SPTA1: variants seen among roughly 807,000 people sequenced by gnomAD.
The protein encoded by SPTA1 is spectrin alpha, erythrocytic 1, also known as spectrin alpha chain, erythrocytic 1.
A neutral mutation model predicts 324.7 loss-of-function variants in SPTA1; 177 were observed. The observed-to-expected ratio is 0.55, with a 90% CI of 0.48 to 0.62. The LOEUF is 0.62. SPTA1 is among the 20% of genes least tolerant of loss of function. SPTA1 has a pLI of 0.00. For missense variants in SPTA1, 3,162 were observed against 2,883.6 expected, an observed-to-expected ratio of 1.10 and a Z score of -2.21; for synonymous variants, 1,195 against 1,041.3, an observed-to-expected ratio of 1.15 and a Z score of -2.84.
At chr1:158,618,336 C>G (rs1010330090) in intron 45 of SPTA1, among the ~76,000 whole-genome samples, 1 of 152,038 alleles carries the variant, frequency 6.6e-6, no homozygotes, top group Non-Finnish European at 1.5e-5. Context: ...ATGAAGTCAC[C>G]AAGAAAAGAG....
intron 42 of SPTA1, among the ~76,000 whole-genome samples, chr1:158,624,837 C>A (rs1430204200): frequency 6.6e-6 from 1 of 152,186 alleles, no homozygotes; most frequent in African/African-American, 2.4e-5. Flanking sequence ...AGTAGTGACA[C>A]AATGCTGACT....
In SPTA1 at chr1:158,657,683, C is replaced by G. The variant is rs1261513076; in HGVS notation, c.2599G>C (p.Ala867Pro). ...NKMVEEGHFA[A>P]EDVASRVKSL... ...TTGACCCTAGAGGCCACATCTTCTG[C>G]AGCAAAGTGTCCTATGGAGTAATTA... The change falls in exon 19 of 52, where the codon GCA becomes CCA. Residue 867 changes from alanine (A) to proline (P), a missense_variant. Ala to Pro is a conservative substitution (Grantham distance 27). Transcript: ENST00000643759. The G allele has an allele frequency of 6.2e-7, 1 of 1,614,060 alleles. No individual in the cohort carries two copies. The highest frequency in any genetic ancestry group is 1.1e-5 in the South Asian group (1 of 91,080).
chr1:158,646,008 A>G (rs1651974291), intron 27 of SPTA1, among the ~76,000 whole-genome samples: 1 of 152,164 alleles, frequency 6.6e-6, no homozygotes, highest in African/African-American at 2.4e-5. Context: ...GTTCCTTTTA[A>G]GTGGTTTCTA....
chr1:158,642,323 A>T (rs1651659872), intron 33 of SPTA1, 88 bp downstream of exon 33: 1 of 1,384,946 alleles, frequency 7.2e-7, no homozygotes, highest in African/African-American at 1.5e-5. Flanking sequence ...AATAAAATTA[A>T]AAAAAATACA....
At chr1:158,680,915 G>A (rs1016790553) in intron 4 of SPTA1, among the ~76,000 whole-genome samples, 186 bp from the exon 5 acceptor site, 2 of 152,142 alleles carry the variant, frequency 1.3e-5, no homozygotes, top group Admixed American at 6.6e-5. Flanking sequence ...CTTGGCACAA[G>A]GGAAAGTGCT....
chr1:158,633,663 A>G (rs1249975445), intron 39 of SPTA1, among the ~76,000 whole-genome samples: 2 of 128,638 alleles, frequency 1.6e-5, no homozygotes, highest in African/African-American at 7.7e-5. Flanking sequence ...TCTGTCTCGA[A>G]AAAAAAAAAA....
intron 3 of SPTA1, 76 bp downstream of exon 3, chr1:158,683,295 A>G (rs1031921549): frequency 1.0e-5 from 16 of 1,604,376 alleles, no homozygotes; most frequent in Non-Finnish European, 1.3e-5. Flanking sequence ...CTCAAGGTTT[A>G]TATCTCATAT....
intron 45 of SPTA1, among the ~76,000 whole-genome samples, chr1:158,618,758 AT>A (rs2101756830): frequency 6.6e-6 from 1 of 152,306 alleles, no homozygotes; most frequent in African/African-American, 2.4e-5. Context: ...ATGCCAGTAA[AT>A]ATATATGTGA....
Position 158,619,239 on chromosome 1 carries a change from T to C in SPTA1, c.6513A>G (p.Gln2171=), listed in dbSNP as rs754084343. Residue 2171 remains glutamine, a synonymous_variant, in exon 45 of 52, where the codon CAA becomes CAG. Coordinates refer to ENST00000643759, the MANE Select transcript of SPTA1 (RefSeq NM_003126.4). ...EFEQNASTFL[Q]WILETRAYFL... is the part of the protein sequence containing the mutation. ...TAGCACACCTGGTTTCCAGGATCCA[T>C]TGAAGGAAGGTACTGGCATTCTGTT... is the stretch of plus-strand genomic sequence containing the variant. 1.6e-5 allele frequency: 26 copies of C among 1,613,936 alleles called. No individual in the cohort carries two copies. The highest frequency in any genetic ancestry group is 1.0e-4 in the Admixed American group (6 of 60,000).
intron 36 of SPTA1, 46 bp downstream of exon 36, chr1:158,637,987 C>A: frequency 6.3e-7 from 1 of 1,595,396 alleles, no homozygotes; most frequent in Non-Finnish European, 8.6e-7. Context: ...GGTGGATTAT[C>A]TACTCGCTTG....
In SPTA1 at chr1:158,620,298, C is replaced by T. The variant is rs1204428266; in HGVS notation, c.6289G>A (p.Ala2097Thr). 1 of 1,614,112 alleles carries T rather than the reference C, an allele frequency of 6.2e-7. No homozygotes were observed. The highest frequency in any genetic ancestry group is 1.7e-5 in the Admixed American group (1 of 60,022). Residue 2097 changes from alanine to threonine, a missense_variant, in exon 44 of 52, where the codon GCA becomes ACA. Transcript: ENST00000643759. ...DFLASLARAQ[A>T]DFKCLLELDQ... The stretch of plus-strand genomic sequence containing the variant: ...AGCTCCAGCAAACATTTAAAGTCTG[C>T]TTGAGCCCTAGCCAGGGAGGCCAAG...
chr1:158,670,770 A>G (rs896088733), intron 12 of SPTA1, among the ~76,000 whole-genome samples: 5 of 152,220 alleles, frequency 3.3e-5, no homozygotes, highest in African/African-American at 1.2e-4. Context: ...AGAGATAAAG[A>G]TATACTATAA....
chr1:158,648,523 G>C lies in SPTA1; in HGVS notation c.3700C>G (p.Pro1234Ala). ...RHEGFERDLV[P>A]LGDKVTILGE... Reference sequence around the variant, plus strand: ...ACTTGTCTCACCTTATCTCCCAGGGGTACGAGGTCCCTTTCAAAGCCCTCA... The same window carrying C: ...ACTTGTCTCACCTTATCTCCCAGGGCTACGAGGTCCCTTTCAAAGCCCTCA... Residue 1234 changes from proline (P) to alanine (A), a missense_variant, in exon 26 of 52, where the codon CCC (proline) becomes GCC (alanine). Coordinates refer to ENST00000643759, the MANE Select transcript of SPTA1 (RefSeq NM_003126.4). 6.2e-7 allele frequency: 1 copy of C among 1,613,934 alleles called. No homozygotes were observed. Among genetic ancestry groups the C allele is most frequent in the South Asian group, 1.1e-5 (1 of 91,062 alleles).
intron 12 of SPTA1, 122 bp downstream of exon 12, chr1:158,671,221 T>G: frequency 1.4e-6 from 1 of 728,760 alleles, no homozygotes; most frequent in Non-Finnish European, 2.5e-6. Flanking sequence ...TGCAACTTGA[T>G]TAGGGATAAT....
chr1:158,638,745 C>CAA (rs34072412), intron 35 of SPTA1, among the ~76,000 whole-genome samples: 30,036 of 91,608 alleles, frequency 0.33, 4,430 homozygotes, highest in African/African-American at 0.41. Flanking sequence ...GAGCTGGTAC[C>CAA]AAAAAAAAAA....
rs776141057 is a variant in SPTA1, at chr1:158,642,856, G to A, written c.4563C>T (p.Pro1521=). Residue 1521 remains proline, a synonymous_variant, in exon 32 of 52, where the codon CCC becomes CCT. Coordinates refer to ENST00000643759, the MANE Select transcript of SPTA1 (RefSeq NM_003126.4). Reference sequence around the variant, plus strand: ...CTTTGTAGGATTCATCACAGGCTGTGGGCAGCATCTCACTGATCCATTCTT... The same window carrying A: ...CTTTGTAGGATTCATCACAGGCTGTAGGCAGCATCTCACTGATCCATTCTT... ...ELEEWISEML[P]TACDESYKDA... The A allele has an allele frequency of 6.2e-7, 1 of 1,613,716 alleles. No homozygotes were observed. The highest frequency in any genetic ancestry group is 1.3e-5 in the African/African-American group (1 of 74,878).
Position 158,620,187 on chromosome 1 carries a change from G to T in SPTA1, c.6400C>A (p.Leu2134Ile). The change falls in exon 44 of 52, where the codon CTA becomes ATA. Residue 2134 changes from leucine (L) to isoleucine (I), a missense_variant. Physicochemically the swap from Leu to Ile is conservative, Grantham distance 5. Coordinates refer to ENST00000643759, the MANE Select transcript of SPTA1 (RefSeq NM_003126.4). ...VEVLERTWKHLSDIIEEREQE... is the reference protein window; with the variant it reads ...VEVLERTWKHISDIIEEREQE... ...CAGGTTACCTCAATGATGTCAGATA[G>T]GTGCTTCCAGGTCCTTTCCAGCACC... The T allele has an allele frequency of 6.2e-7, 1 of 1,614,122 alleles. No homozygotes were observed. The highest frequency in any genetic ancestry group is 8.5e-7 in the Non-Finnish European group (1 of 1,180,020).
intron 6 of SPTA1, among the ~76,000 whole-genome samples, 160 bp from the exon 7 acceptor site, chr1:158,677,994 A>T (rs1274442180): frequency 6.6e-6 from 1 of 152,156 alleles, no homozygotes; most frequent in Non-Finnish European, 1.5e-5. Flanking sequence ...TTCTTACTTA[A>T]TGGTTATTTC....
At chr1:158,673,626 C>G (rs16840515) in intron 10 of SPTA1, among the ~76,000 whole-genome samples, 4,227 of 152,280 alleles carry the variant, frequency 0.028, 216 homozygotes, top group African/African-American at 0.097. Flanking sequence ...AGATGCTGTA[C>G]TAGGCACTGT....
Sources: allele counts gnomAD v4.1 joint callset (sites outside exome capture counted in the v4.1 genomes callset), GRCh38; gene constraint gnomAD v4.1.1; transcripts MANE v1.5; gene names NCBI Gene and HGNC (gene_info 2026-07-23, HGNC 2026-07-21).